Variants in RBM26 observed in about 807,000 individuals in gnomAD.
RBM26 encodes the protein RNA-binding protein 26.
A neutral mutation model predicts 123.6 loss-of-function variants in RBM26; 30 were observed. The ratio of observed to expected loss-of-function variants is 0.24; its 90% CI spans 0.18 to 0.33. RBM26 has a LOEUF of 0.33. RBM26 is among the 10% of genes least tolerant of loss of function. The probability of loss-of-function intolerance (pLI) is 1.00; values close to 1 mark genes in which losing one functional copy is unlikely to be tolerated. For missense variants in RBM26, 947 were observed against 1,203.6 expected (o/e 0.79, Z 3.15); for synonymous variants, 400 against 404.4 (o/e 0.99, Z 0.13).
At chr13:79,363,790 T>G (rs990497727) in intron 9 of RBM26, among the ~76,000 whole-genome samples, 3 of 152,182 alleles carry the variant, frequency 2.0e-5, no homozygotes, top group African/African-American at 7.2e-5. Flanking sequence ...AGCATGTGAA[T>G]GGATCTAATA....
chr13:79,353,298 G>T, intron 13 of RBM26, 74 bp from the exon 14 acceptor site: 1 of 844,564 alleles, frequency 1.2e-6, no homozygotes, highest in Non-Finnish European at 1.9e-6. Flanking sequence ...TGAACATTCT[G>T]ATTCTACTAA....
At chr13:79,315,054 A>T (rs544967265), downstream of RBM26, 140 of 1,003,494 alleles carry the variant, frequency 1.4e-4, 1 homozygote, top group South Asian at 1.8e-3. Context: ...CTAAAACTTG[A>T]ATCACATCAT....
chr13:79,393,994 C>A (rs1283189050), intron 1 of RBM26, among the ~76,000 whole-genome samples: 1 of 152,192 alleles, frequency 6.6e-6, no homozygotes, highest in Non-Finnish European at 1.5e-5. Context: ...ACTCTACATG[C>A]CACGTGACTT....
intron 18 of RBM26, among the ~76,000 whole-genome samples, chr13:79,337,874 A>T (rs1296581389): frequency 6.6e-6 from 1 of 152,208 alleles, no homozygotes; most frequent in Non-Finnish European, 1.5e-5. Flanking sequence ...TTCTGTGTGC[A>T]AGTCTTTACC....
rs909815554 is a variant in RBM26, at chr13:79,405,995, C to T, written c.-221G>A. ...CCAGGAGCTCCCCGTCCCCGGCCCC[C>T]AGCCCGGGCTGAAACAGCAACGGTT... On this transcript the variant is annotated 5_prime_UTR_variant, in exon 1 of 22. Coordinates refer to ENST00000438737, the MANE Select transcript of RBM26 (RefSeq NM_001366735.2). 1.9e-4 allele frequency: 61 copies of T among 314,538 alleles called. No homozygotes were observed. Among genetic ancestry groups the T allele is most frequent in the Non-Finnish European group, 3.2e-4 (55 of 173,378 alleles). 19.5% of individuals were successfully genotyped at this position (314,538 alleles called of 1,614,324 possible).
At chr13:79,405,520 T>A (rs2140651476) in intron 1 of RBM26, among the ~76,000 whole-genome samples, 184 bp downstream of exon 1, 1 of 151,326 alleles carries the variant, frequency 6.6e-6, no homozygotes, top group Middle Eastern at 3.4e-3. Flanking sequence ...AAAGCTCGAC[T>A]CAGGCTCTCG....
intron 1 of RBM26, among the ~76,000 whole-genome samples, chr13:79,400,132 A>G (rs1302435369): frequency 1.3e-5 from 2 of 152,364 alleles, no homozygotes; most frequent in Admixed American, 1.3e-4. Flanking sequence ...TCAGACTTTA[A>G]AGGATCTACA....
At position 79,394,023 on chromosome 13, in the gene RBM26, A is replaced by G. The variant is rs1160476498; in HGVS notation, c.71+11681T>C. ...GTGACTTCTTAAACACACACTTCCT[A>G]TTATTTGTGCGCCTGCGGCTTTTAC... On this transcript the variant is annotated intron_variant, in intron 1 of 21. Coordinates refer to ENST00000438737, the MANE Select transcript of RBM26 (RefSeq NM_001366735.2). Among the ~76,000 whole-genome samples the G allele has an allele frequency of 2.6e-5, 4 of 152,036 alleles. No homozygotes were observed. The South Asian group carries it at 6.2e-4, about 24-fold the overall frequency.
chr13:79,340,046 G>C (rs2071101909), intron 18 of RBM26, among the ~76,000 whole-genome samples: 1 of 151,954 alleles, frequency 6.6e-6, no homozygotes, highest in South Asian at 2.1e-4. Context: ...TTAAATTATG[G>C]GCCAGAATTT....
chr13:79,362,680 T>C (rs1360598333), intron 9 of RBM26, among the ~76,000 whole-genome samples: 1 of 152,192 alleles, frequency 6.6e-6, no homozygotes, highest in Admixed American at 6.5e-5. Flanking sequence ...ACCAGCCCTT[T>C]TGGAGAATCT....
chr13:79,320,637 C>T lies in RBM26; in HGVS notation c.3008G>A (p.Arg1003His), dbSNP rs1367560652. ...TCAGTCAAATCATCTTCTCCAAGAACGAGATTCATTGTCCTCTTCTTCTTC... is the reference window on the plus strand; with the variant it reads ...TCAGTCAAATCATCTTCTCCAAGAATGAGATTCATTGTCCTCTTCTTCTTC... ...DDEEEEDNESRSWRR is the reference protein window; with the variant it reads ...DDEEEEDNESHSWRR The change falls in exon 22 of 22, where the codon CGT becomes CAT. Residue 1003 changes from arginine (R) to histidine (H), a missense_variant. This residue lies in a region of RBM26 where 164 missense variants were observed against 215.3 expected (regional missense o/e 0.76). Transcript: ENST00000438737. The T allele has an allele frequency of 1.9e-6, 3 of 1,596,698 alleles. No individual in the cohort carries two copies. Among genetic ancestry groups the T allele is most frequent in the Non-Finnish European group, 2.6e-6 (3 of 1,172,740 alleles).
In RBM26 at chr13:79,375,047, CTATA is replaced by C. The variant is rs1167611949; in HGVS notation, c.327+2328_327+2331del. 8.7e-5 allele frequency among the ~76,000 whole-genome samples: 4 copies of C among 45,738 alleles called. No homozygotes were observed. In the South Asian group the frequency reaches 2.3e-3, roughly 26 times the overall value. 30.0% of individuals were successfully genotyped at this position (45,738 alleles called of 152,430 possible). On this transcript the variant is annotated intron_variant, in intron 3 of 21. Transcript: ENST00000438737. ...ATATATTTTATACATTTTTTATATA[CTATA>C]TATTTATATTTTTATATATTTATAT... is the stretch of plus-strand genomic sequence containing the variant.
At chr13:79,391,997 TTATA>T (rs1481819921) in intron 1 of RBM26, among the ~76,000 whole-genome samples, 1 of 59,130 alleles carries the variant, frequency 1.7e-5, no homozygotes, top group East Asian at 5.5e-4. Flanking sequence ...CAATACATTA[TTATA>T]TAATTATATA....
intron 14 of RBM26, among the ~76,000 whole-genome samples, chr13:79,349,390 T>C (rs965279635): frequency 2.6e-5 from 4 of 152,168 alleles, no homozygotes; most frequent in African/African-American, 9.7e-5. Context: ...CTTCTATGAG[T>C]TCAACTTTTT....
chr13:79,380,359 T>C (rs1476980119), intron 1 of RBM26, among the ~76,000 whole-genome samples: 2 of 152,120 alleles, frequency 1.3e-5, no homozygotes, highest in African/African-American at 4.8e-5. Context: ...GTTTGTATAG[T>C]ATTTGCCATT....
At chr13:79,334,291 T>C in intron 20 of RBM26, 53 bp downstream of exon 20, 1 of 1,010,738 alleles carries the variant, frequency 9.9e-7, no homozygotes. Context: ...AACTTAAAAG[T>C]AATACTTATA....
chr13:79,392,400 A>G (rs1381152635), intron 1 of RBM26, among the ~76,000 whole-genome samples: 1 of 145,274 alleles, frequency 6.9e-6, no homozygotes, highest in Admixed American at 7.0e-5. Context: ...TACTTTCTTA[A>G]ATTATTAAAT....
chr13:79,369,724 T>C (rs889041939), intron 5 of RBM26, among the ~76,000 whole-genome samples: 1 of 152,210 alleles, frequency 6.6e-6, no homozygotes, highest in East Asian at 1.9e-4. Context: ...ATTATACATG[T>C]TGGGAATGAC....
intron 21 of RBM26, 59 bp downstream of exon 21, chr13:79,322,290 T>C (rs1487082383): frequency 4.4e-6 from 5 of 1,129,686 alleles, no homozygotes; most frequent in African/African-American, 3.3e-5. Context: ...AAAAATCACA[T>C]TTTATATAAA....
Sources: allele counts gnomAD v4.1 joint callset (sites outside exome capture counted in the v4.1 genomes callset), GRCh38; gene constraint gnomAD v4.1.1; regional missense constraint gnomAD v4.1.1; transcripts MANE v1.5; gene names NCBI Gene and HGNC (gene_info 2026-07-23, HGNC 2026-07-21).